BMP2K: variants seen among roughly 807,000 people sequenced by gnomAD.
The protein encoded by BMP2K is BMP-2-inducible protein kinase.
BMP2K carries 74 observed loss-of-function variants against 116.0 expected under a neutral mutation model. That is an observed-to-expected ratio of 0.64 (90% CI 0.53 to 0.77). BMP2K has a LOEUF of 0.77. BMP2K is among the 30% of genes least tolerant of loss of function. BMP2K has a pLI of 0.00. For missense variants in BMP2K, 1,365 were observed against 1,403.6 expected, an observed-to-expected ratio of 0.97 and a Z score of 0.44; for synonymous variants, 486 against 502.5, an observed-to-expected ratio of 0.97 and a Z score of 0.44.
At chr4:78,778,541 A>G (rs1727352714) in intron 1 of BMP2K, among the ~76,000 whole-genome samples, 1 of 152,226 alleles carries the variant, frequency 6.6e-6, no homozygotes, top group African/African-American at 2.4e-5. Flanking sequence ...TCTCCATCCT[A>G]CACCCCAGCT....
chr4:78,909,725 G>A lies in BMP2K; in HGVS notation c.2063-885G>A, dbSNP rs182307943. Among the ~76,000 whole-genome samples the A allele has an allele frequency of 3.0e-3, 449 of 152,194 alleles. 5 individuals carry two copies. Among genetic ancestry groups the A allele is most frequent in the African/African-American group, 0.01 (430 of 41,526 alleles). ...ACCACTGTCCAAAGTAGGTTTATGC[G>A]CCCATTTCCCTGCTGTCCTTTATTT... On this transcript the variant is annotated intron_variant, in intron 15 of 15. Transcript: ENST00000502613.
At chr4:78,904,239 A>G (rs972836781) in intron 15 of BMP2K, among the ~76,000 whole-genome samples, 7 of 151,942 alleles carry the variant, frequency 4.6e-5, no homozygotes, top group Non-Finnish European at 8.8e-5. Flanking sequence ...AAGAGAAAAA[A>G]GTTCTAAGAA....
intron 1 of BMP2K, among the ~76,000 whole-genome samples, chr4:78,792,703 C>T (rs1002305975): frequency 6.6e-6 from 1 of 151,726 alleles, no homozygotes; most frequent in Non-Finnish European, 1.5e-5. Context: ...ATCTGTATAA[C>T]CTATATTTTC....
Position 78,911,795 on chromosome 4 carries a change from C to T in BMP2K, c.3248C>T (p.Pro1083Leu). The T allele has an allele frequency of 6.2e-7, 1 of 1,613,992 alleles. No individual in the cohort carries two copies. The highest frequency in any genetic ancestry group is 8.5e-7 in the Non-Finnish European group (1 of 1,179,898). ...CATTCTCCAGACCTGTCATGGCACC[C>T]TCCACATCAGGGCCTGAGCGACATC... The part of the protein sequence containing the change: ...PFHSPDLSWH[P>L]PHQGLSDIRA... Residue 1083 changes from proline to leucine, a missense_variant, in exon 16 of 16, where the codon CCT becomes CTT. By Grantham distance (98) the Pro-to-Leu change is moderately conservative. Transcript: ENST00000502613.
intron 3 of BMP2K, 75 bp downstream of exon 3, chr4:78,833,762 C>A: frequency 2.2e-6 from 2 of 926,114 alleles, no homozygotes; most frequent in Non-Finnish European, 3.4e-6. Context: ...TTTGTTATTT[C>A]CAGGGTAGCT....
chr4:78,905,684 A>G (rs555932579), intron 15 of BMP2K, among the ~76,000 whole-genome samples: 1 of 152,164 alleles, frequency 6.6e-6, no homozygotes, highest in East Asian at 1.9e-4. Flanking sequence ...TTAGGCTTAT[A>G]CTTTTGGGAA....
chr4:78,915,860 CTA>C lies in BMP2K; in HGVS notation c.*3829_*3830del, dbSNP rs1437309268. On this transcript the variant is annotated 3_prime_UTR_variant, in exon 16 of 16. Coordinates refer to ENST00000502613, the MANE Select transcript of BMP2K (RefSeq NM_198892.2). The stretch of plus-strand genomic sequence containing the variant: ...ACTTTTGAAAGAATTGTTTTTATGA[CTA>C]TGCTCTTTTTGTGATTGAAAAGTCA... 2.0e-5 allele frequency: 3 copies of C among 151,934 alleles called. No homozygotes were observed. Among genetic ancestry groups the C allele is most frequent in the Admixed American group, 1.3e-4 (2 of 15,234 alleles). The allele number at this position is 151,934 out of a possible 1,614,324, so 9.4% of individuals were successfully genotyped here.
In BMP2K at chr4:78,858,461, A is replaced by G. The variant is rs567755388; in HGVS notation, c.884-1123A>G. Among the ~76,000 whole-genome samples, 303 of 152,076 alleles carry G rather than the reference A, an allele frequency of 2.0e-3. 5 individuals are homozygous for G. The South Asian group carries it at 0.023, about 11-fold the overall frequency. On this transcript the variant is annotated intron_variant, in intron 7 of 15. Transcript: ENST00000502613. ...ATATATGTTAGCATTATAAATATAT[A>G]AAATCAAGTTACATGCAGAGTTTTC...
intron 1 of BMP2K, among the ~76,000 whole-genome samples, chr4:78,808,651 C>T (rs1230232090): frequency 6.6e-6 from 1 of 152,046 alleles, no homozygotes; most frequent in African/African-American, 2.4e-5. Flanking sequence ...TTTTGGCGTG[C>T]TGTTTTTTAA....
At chr4:78,903,956 GATAT>G (rs1428037987) in intron 15 of BMP2K, among the ~76,000 whole-genome samples, 1 of 151,904 alleles carries the variant, frequency 6.6e-6, no homozygotes, top group Non-Finnish European at 1.5e-5. Flanking sequence ...TTATGGCTTT[GATAT>G]ATAGTCTTAA....
chr4:78,790,687 C>G (rs1350586336), intron 1 of BMP2K, among the ~76,000 whole-genome samples: 1 of 152,042 alleles, frequency 6.6e-6, no homozygotes, highest in Non-Finnish European at 1.5e-5. Context: ...AAGAATTCAT[C>G]TAGTGTCTGT....
intron 15 of BMP2K, among the ~76,000 whole-genome samples, chr4:78,889,115 G>A (rs1733274669): frequency 6.6e-6 from 1 of 151,830 alleles, no homozygotes; most frequent in Non-Finnish European, 1.5e-5. Flanking sequence ...CAGCTACTCG[G>A]GAGGCTAAGG....
At chr4:78,829,271 G>A (rs947188703) in intron 2 of BMP2K, among the ~76,000 whole-genome samples, 1 of 152,150 alleles carries the variant, frequency 6.6e-6, no homozygotes, top group Non-Finnish European at 1.5e-5. Context: ...TTTCAACAGT[G>A]TTCTCAGCCT....
At chr4:78,809,701 TA>T (rs1036853922) in intron 1 of BMP2K, among the ~76,000 whole-genome samples, 2 of 151,488 alleles carry the variant, frequency 1.3e-5, no homozygotes, top group African/African-American at 2.4e-5. Flanking sequence ...TTTTTTTTTT[TA>T]AATAATTTCT....
chr4:78,800,543 T>C (rs1473759034), intron 1 of BMP2K, among the ~76,000 whole-genome samples: 1 of 152,214 alleles, frequency 6.6e-6, no homozygotes, highest in Non-Finnish European at 1.5e-5. Context: ...TAATGAGCCG[T>C]ATACTGGAAT....
At position 78,847,356 on chromosome 4, in the gene BMP2K, G is replaced by A. The variant is rs577253069; in HGVS notation, c.750+87G>A. The A allele has an allele frequency of 1.4e-4, 122 of 896,024 alleles. No individual in the cohort carries two copies. The African/African-American group carries it at 1.8e-3, about 13-fold the overall frequency. The allele number at this position is 896,024 out of a possible 1,614,324, so 55.5% of individuals were successfully genotyped here. A position where few individuals can be genotyped will look rare whatever the true frequency, so the allele number is the denominator to read the frequency against. Reference sequence around the variant, plus strand: ...TATTTTTTACTCTGCTCCCCAAAAGGCATTTCCTAATAAGTAGAAGAGAGT... The same window carrying A: ...TATTTTTTACTCTGCTCCCCAAAAGACATTTCCTAATAAGTAGAAGAGAGT... On this transcript the variant is annotated intron_variant, in intron 6 of 15. Coordinates refer to ENST00000502613, the MANE Select transcript of BMP2K (RefSeq NM_198892.2).
chr4:78,872,494 G>T, intron 12 of BMP2K, 120 bp from the exon 13 acceptor site: 1 of 861,828 alleles, frequency 1.2e-6, no homozygotes, highest in Admixed American at 3.0e-5. Context: ...GTAGATGATT[G>T]TTTTTTACGT....
At chr4:78,852,593 A>G (rs1731311070) in intron 7 of BMP2K, among the ~76,000 whole-genome samples, 2 of 152,050 alleles carry the variant, frequency 1.3e-5, no homozygotes, top group Admixed American at 6.6e-5. Flanking sequence ...GATTCTTTGC[A>G]ATTTTTTTCT....
intron 14 of BMP2K, among the ~76,000 whole-genome samples, chr4:78,884,010 A>G (rs1732969998): frequency 6.6e-6 from 1 of 151,978 alleles, no homozygotes; most frequent in Non-Finnish European, 1.5e-5. Context: ...ATGCCACTGT[A>G]TTACAGCCTG....
Sources: allele counts gnomAD v4.1 joint callset (sites outside exome capture counted in the v4.1 genomes callset), GRCh38; gene constraint gnomAD v4.1.1; transcripts MANE v1.5; gene names NCBI Gene and HGNC (gene_info 2026-07-23, HGNC 2026-07-21).